The following NSG2 variants were observed in gnomAD, a reference collection of about 807,000 sequenced individuals.
The protein encoded by NSG2 is neuronal vesicle trafficking-associated protein 2.
A neutral mutation model predicts 16.9 loss-of-function variants in NSG2; 4 were observed. That is an observed-to-expected ratio of 0.24 (90% CI 0.12 to 0.54). The LOEUF is 0.54. Ranked by LOEUF, NSG2 falls within the 20% of genes least tolerant of loss-of-function variation. The pLI is 0.95. For missense variants in NSG2, 179 were observed against 221.1 expected (o/e 0.81, Z 1.21); for synonymous variants, 98 against 88.7 (o/e 1.11, Z -0.59).
intron 2 of NSG2, 79 bp downstream of exon 2, chr5:174,046,963 C>T: frequency 6.8e-7 from 1 of 1,468,978 alleles, no homozygotes; most frequent in African/African-American, 1.4e-5. Context: ...AATTCCACCC[C>T]CCAAATCCTT....
At chr5:174,104,195 G>A in intron 3 of NSG2, 33 bp from the exon 4 acceptor site, 4 of 1,522,578 alleles carry the variant, frequency 2.6e-6, no homozygotes, top group Non-Finnish European at 3.6e-6. Context: ...TGGGCAGACT[G>A]AGGCTGGATG....
chr5:174,058,867 T>G (rs909621789), intron 2 of NSG2, among the ~76,000 whole-genome samples: 2 of 152,194 alleles, frequency 1.3e-5, no homozygotes, highest in African/African-American at 4.8e-5. Flanking sequence ...AAATGTGGCT[T>G]AGCTAAAGAA....
intron 3 of NSG2, chr5:174,081,764 C>A (rs1409014402): frequency 6.6e-6 from 1 of 151,856 alleles, no homozygotes; most frequent in African/African-American, 2.4e-5. Context: ...GTGGTGGGCA[C>A]CTGTAGTCCC....
chr5:174,079,710 G>C (rs995246831), intron 3 of NSG2, among the ~76,000 whole-genome samples: 4 of 152,146 alleles, frequency 2.6e-5, no homozygotes, highest in Admixed American at 2.0e-4. Context: ...TACAGACTTA[G>C]TTTTTCTCCC....
intron 2 of NSG2, among the ~76,000 whole-genome samples, chr5:174,060,375 T>A (rs980489772): frequency 3.0e-5 from 4 of 132,968 alleles, no homozygotes; most frequent in Non-Finnish European, 6.8e-5. Flanking sequence ...TTCTTAATAT[T>A]TTTTTTTTTT....
At chr5:174,059,456 G>T (rs950221079) in intron 2 of NSG2, among the ~76,000 whole-genome samples, 3 of 152,108 alleles carry the variant, frequency 2.0e-5, no homozygotes, top group Non-Finnish European at 2.9e-5. Flanking sequence ...TGACACCTAG[G>T]AAATCTATTG....
At chr5:174,096,704 G>A (rs898906328) in intron 3 of NSG2, among the ~76,000 whole-genome samples, 1 of 152,058 alleles carries the variant, frequency 6.6e-6, no homozygotes, top group Non-Finnish European at 1.5e-5. Flanking sequence ...CTGGCCAGGG[G>A]GCTTATGATG....
chr5:174,082,682 G>A (rs1391876979), intron 3 of NSG2: 4 of 152,226 alleles, frequency 2.6e-5, no homozygotes, highest in African/African-American at 9.7e-5. Flanking sequence ...TATATGTAAA[G>A]CATCAAAACA....
chr5:174,088,826 G>T (rs1027003913), intron 3 of NSG2, among the ~76,000 whole-genome samples: 7 of 152,132 alleles, frequency 4.6e-5, no homozygotes, highest in African/African-American at 1.4e-4. Context: ...GTGATGGGTG[G>T]GAATCTCAGC....
At chr5:174,077,646 C>G (rs1022868114) in intron 3 of NSG2, among the ~76,000 whole-genome samples, 2 of 152,320 alleles carry the variant, frequency 1.3e-5, no homozygotes, top group Middle Eastern at 3.4e-3. Context: ...CACCTCTCTT[C>G]CTCATTTTCA....
chr5:174,082,884 A>T (rs927138108), intron 3 of NSG2, among the ~76,000 whole-genome samples: 1 of 152,148 alleles, frequency 6.6e-6, no homozygotes, highest in Non-Finnish European at 1.5e-5. Context: ...CCAAGCTGCC[A>T]AAGTGATTTT....
intron 3 of NSG2, among the ~76,000 whole-genome samples, chr5:174,098,027 C>T (rs550537670): frequency 7.9e-5 from 12 of 151,906 alleles, no homozygotes; most frequent in Non-Finnish European, 1.8e-4. Context: ...GGCTGGTAGG[C>T]GAGAGGGGTG....
At chr5:174,075,699 G>A (rs778400569) in intron 3 of NSG2, among the ~76,000 whole-genome samples, 2 of 152,116 alleles carry the variant, frequency 1.3e-5, no homozygotes, top group Non-Finnish European at 1.5e-5. Context: ...TGGCTTCCTC[G>A]CTCTCTGGGC....
chr5:174,067,543 G>T (rs140719395), intron 3 of NSG2, among the ~76,000 whole-genome samples: 3 of 152,366 alleles, frequency 2.0e-5, no homozygotes, highest in Non-Finnish European at 4.4e-5. Flanking sequence ...GCCCTGTCAG[G>T]CATGGGCAGA....
chr5:174,096,213 A>G (rs1273673268), intron 3 of NSG2, among the ~76,000 whole-genome samples: 1 of 152,228 alleles, frequency 6.6e-6, no homozygotes, highest in Non-Finnish European at 1.5e-5. Context: ...CTGTGTCCCA[A>G]GAGGGGCGGC....
intron 2 of NSG2, among the ~76,000 whole-genome samples, chr5:174,048,738 T>G (rs564225911): frequency 2.6e-5 from 4 of 152,310 alleles, no homozygotes; most frequent in African/African-American, 9.6e-5. Flanking sequence ...CCCAGGGCTT[T>G]ATTCTTTCCT....
chr5:174,085,385 C>T (rs985425774), intron 3 of NSG2, among the ~76,000 whole-genome samples: 2 of 152,154 alleles, frequency 1.3e-5, no homozygotes, highest in African/African-American at 4.8e-5. Context: ...AAGGCCTATT[C>T]TCCTTTTCCC....
In NSG2 at chr5:174,065,100, G is replaced by A. The variant is rs889197532; in HGVS notation, c.213+785G>A. On this transcript the variant is annotated intron_variant, in intron 3 of 4. Transcript: ENST00000303177. ...TCCCAGCACTTTGGGAGGCTGAGTC[G>A]GATGGATCACGAGGTCAGGAGATCG... is the stretch of plus-strand genomic sequence containing the variant. Among the ~76,000 whole-genome samples, 63 of 152,156 alleles carry A rather than the reference G, an allele frequency of 4.1e-4. 2 individuals are homozygous for A. The highest frequency in any genetic ancestry group is 3.8e-3 in the Admixed American group (58 of 15,276).
intron 3 of NSG2, among the ~76,000 whole-genome samples, chr5:174,097,583 G>GTGTGTGTAAC (rs376499638): frequency 4.3e-5 from 5 of 115,932 alleles, no homozygotes; most frequent in Non-Finnish European, 8.7e-5. Context: ...GTGTGTGTCT[G>GTGTGTGTAAC]TGTGTGTGTA....
Sources: allele counts gnomAD v4.1 joint callset (sites outside exome capture counted in the v4.1 genomes callset), GRCh38; gene constraint gnomAD v4.1.1; transcripts MANE v1.5; gene names NCBI Gene and HGNC (gene_info 2026-07-23, HGNC 2026-07-21).